ARAP1: variants seen among roughly 807,000 people sequenced by gnomAD.
ARAP1 encodes ArfGAP with RhoGAP domain, ankyrin repeat and PH domain 1.
A neutral mutation model predicts 172.2 loss-of-function variants in ARAP1; 76 were observed. The observed-to-expected ratio is 0.44, with a 90% CI of 0.37 to 0.53. The LOEUF (loss-of-function observed/expected upper bound fraction) is 0.53. Among genes scored for constraint, ARAP1 ranks in the 20% least tolerant of loss-of-function variants. The pLI is 0.00. For synonymous variants in ARAP1, 804 were observed against 803.3 expected, an observed-to-expected ratio of 1.00 and a Z score of -0.01; for missense variants, 1,686 against 1,977.5, an observed-to-expected ratio of 0.85 and a Z score of 2.80.
intron 1 of ARAP1, among the ~76,000 whole-genome samples, chr11:72,743,470 G>A (rs1199835511): frequency 2.0e-5 from 3 of 152,048 alleles, no homozygotes; most frequent in Non-Finnish European, 4.4e-5. Context: ...GCCAGGGGCA[G>A]GGTCTGCAGA....
chr11:72,709,045 C>CAA (rs34249967), intron 11 of ARAP1, among the ~76,000 whole-genome samples: 58 of 50,284 alleles, frequency 1.2e-3, no homozygotes, highest in African/African-American at 2.6e-3. Context: ...TCTCAAAAAG[C>CAA]AAAAAAAAAA....
At position 72,712,678 on chromosome 11, in the gene ARAP1, C is replaced by A. The variant is rs201051648; in HGVS notation, c.748-110G>T. On this transcript the variant is annotated intron_variant, in intron 5 of 34. Transcript: ENST00000393609. ...CACAGCCCCGACCCACACAGCCCAGCACTTTTAGTTCTGTTTCCTCACACT... is the reference window on the plus strand; with the variant it reads ...CACAGCCCCGACCCACACAGCCCAGAACTTTTAGTTCTGTTTCCTCACACT... 1,495 of 1,554,350 alleles carry A rather than the reference C, an allele frequency of 9.6e-4. 2 individuals carry two copies. The highest frequency in any genetic ancestry group is 1.2e-3 in the Non-Finnish European group (1,415 of 1,140,678).
chr11:72,720,821 G>A (rs1457667875), intron 3 of ARAP1, among the ~76,000 whole-genome samples: 1 of 152,050 alleles, frequency 6.6e-6, no homozygotes, highest in Admixed American at 6.5e-5. Flanking sequence ...TCCTCCTCCA[G>A]GAAGTCCATC....
At chr11:72,750,514 C>T (rs182295265) in intron 1 of ARAP1, among the ~76,000 whole-genome samples, 2 of 152,258 alleles carry the variant, frequency 1.3e-5, no homozygotes, top group East Asian at 3.9e-4. Flanking sequence ...AAACTGACCC[C>T]TTCCCCTGGG....
At chr11:72,687,774 C>T (rs1855752507) in intron 31 of ARAP1, 36 bp from the exon 32 acceptor site, 2 of 1,613,340 alleles carry the variant, frequency 1.2e-6, no homozygotes, top group Non-Finnish European at 1.7e-6. Context: ...GGGTGTTTGA[C>T]AGGCCATAGA....
At chr11:72,714,554 C>G (rs963307919) in intron 3 of ARAP1, among the ~76,000 whole-genome samples, 3 of 152,174 alleles carry the variant, frequency 2.0e-5, no homozygotes, top group Non-Finnish European at 4.4e-5. Context: ...AGGTGTTCAC[C>G]TATCCCCAGT....
chr11:72,693,484 C>G lies in ARAP1; in HGVS notation c.3809-14G>C. On this transcript the variant is annotated splice_polypyrimidine_tract_variant and intron_variant, in intron 28 of 34. Transcript: ENST00000393609. This position sits in a 1 kb window ranked among gnomAD's most constrained non-coding sequence, Gnocchi z 4.6. The stretch of plus-strand genomic sequence containing the variant: ...CGACACGGCTGGCTGGGGGGTGGGA[C>G]TGGAGTGGGCACAGGCTGCACCAAC... 1 of 1,610,224 alleles carries G rather than the reference C, an allele frequency of 6.2e-7. No homozygotes were observed. Among genetic ancestry groups the G allele is most frequent in the Non-Finnish European group, 8.5e-7 (1 of 1,177,618 alleles).
At chr11:72,722,159 G>C in intron 3 of ARAP1, 1 of 970,186 alleles carries the variant, frequency 1.0e-6, no homozygotes. Context: ...GACAGAGAGA[G>C]AGAGAGAGAG....
chr11:72,724,274 C>T (rs531318106), intron 3 of ARAP1, among the ~76,000 whole-genome samples: 2 of 152,238 alleles, frequency 1.3e-5, no homozygotes, highest in Admixed American at 6.5e-5. Flanking sequence ...CACATGCACA[C>T]GCATCCACCC....
rs774465123 is a variant in ARAP1, at chr11:72,702,994, C to T, written c.2078G>A (p.Gly693Glu). 39 of 1,573,936 alleles carry T rather than the reference C, an allele frequency of 2.5e-5. No homozygotes were observed. In the South Asian group the frequency reaches 4.6e-4, roughly 18 times the overall value. The change falls in exon 15 of 35, where the codon GGG becomes GAG. Residue 693 changes from glycine (G) to glutamate (E), a missense_variant. Coordinates refer to ENST00000393609, the MANE Select transcript of ARAP1 (RefSeq NM_001040118.3). ...GCGAGINCFS[G>E]DPEAPTPLAL... ...CAGGGGCGTGGGGGCCTCAGGGTCC[C>T]CCGAGAAGCAGTTGATCCCAGCCCC... is the stretch of plus-strand genomic sequence containing the variant.
rs1346334424 is a variant in ARAP1 at position 72,693,138 on chromosome 11, G to A, written c.3954+187C>T. On this transcript the variant is annotated intron_variant, in intron 29 of 34. Transcript: ENST00000393609. The surrounding 1 kb of genome is among the most constrained non-coding windows in gnomAD (Gnocchi z 4.6). ...TGCCAGGGCTTAGTGGGGCTACAGG[G>A]CACACTAGAGTGGCCGTCCAGGGCC... 4 of 885,900 alleles carry A rather than the reference G, an allele frequency of 4.5e-6. No homozygotes were observed. Among genetic ancestry groups the A allele is most frequent in the Non-Finnish European group, 6.7e-6 (4 of 595,500 alleles). 54.9% of individuals were successfully genotyped at this position (885,900 alleles called of 1,614,324 possible).
In ARAP1 at chr11:72,693,072, G is replaced by A; in HGVS notation, c.3954+253C>T. The A allele has an allele frequency of 1.5e-6, 1 of 649,986 alleles. No individual in the cohort carries two copies. Among genetic ancestry groups the A allele is most frequent in the Non-Finnish European group, 2.7e-6 (1 of 376,856 alleles). The allele number at this position is 649,986 out of a possible 1,614,324, so 40.3% of individuals were successfully genotyped here. A position where few individuals can be genotyped will look rare whatever the true frequency, so the allele number is the denominator to read the frequency against. On this transcript the variant is annotated intron_variant, in intron 29 of 34. Transcript: ENST00000393609. This position sits in a 1 kb window ranked among gnomAD's most constrained non-coding sequence, Gnocchi z 4.6. ...TGCAGTGATAAGGCACAGGCACAGT[G>A]AGACAGAGCATGGGCATGGAGTGGT...
chr11:72,745,182 C>CTTTTTTT (rs902550014), intron 1 of ARAP1, among the ~76,000 whole-genome samples: 14 of 88,306 alleles, frequency 1.6e-4, no homozygotes, highest in African/African-American at 5.9e-4. Context: ...AAGTTTCTTT[C>CTTTTTTT]TTTTTTTTTT....
chr11:72,732,848 T>A (rs967220713), intron 1 of ARAP1, among the ~76,000 whole-genome samples: 1 of 151,940 alleles, frequency 6.6e-6, no homozygotes, highest in Non-Finnish European at 1.5e-5. Context: ...CCAGGTGTGG[T>A]AGTGTGTGCC....
At chr11:72,685,747 G>A (rs1490064312) in intron 34 of ARAP1, 66 bp from the exon 35 acceptor site, 2 of 1,575,624 alleles carry the variant, frequency 1.3e-6, no homozygotes, top group Non-Finnish European at 1.7e-6. Context: ...CCCCGCTGAA[G>A]CTGCTGCAGC....
At chr11:72,691,502 T>A (rs774250217) in intron 30 of ARAP1, among the ~76,000 whole-genome samples, 1 of 152,034 alleles carries the variant, frequency 6.6e-6, no homozygotes, top group Non-Finnish European at 1.5e-5. Flanking sequence ...GAAGTGAGGA[T>A]GTGATCACAG....
Position 72,722,202 on chromosome 11 carries a change from TGTGA to T in ARAP1, c.509+4414_509+4417del, listed in dbSNP as rs1200278592. The T allele has an allele frequency of 5.1e-6, 5 of 985,488 alleles. No individual in the cohort carries two copies. In the African/African-American group the frequency reaches 7.0e-5, roughly 14 times the overall value. 61.0% of individuals were successfully genotyped at this position (985,488 alleles called of 1,614,324 possible). On this transcript the variant is annotated intron_variant, in intron 3 of 34. Coordinates refer to ENST00000393609, the MANE Select transcript of ARAP1 (RefSeq NM_001040118.3). Reference sequence around the variant, plus strand: ...CAGAGGGAGAGAGAGAGAGAGTGTGTGTGAGTGTGTGTGACTCTGTGTGTCTGTG... The same window carrying T: ...CAGAGGGAGAGAGAGAGAGAGTGTGTGTGTGTGTGACTCTGTGTGTCTGTG...
intron 19 of ARAP1, 48 bp from the exon 20 acceptor site, chr11:72,697,697 C>T (rs762422955): frequency 5.6e-6 from 9 of 1,609,316 alleles, no homozygotes; most frequent in Non-Finnish European, 7.6e-6. Flanking sequence ...CTCCTGATCC[C>T]CAACCTGCTC....
chr11:72,710,596 G>A lies in ARAP1; in HGVS notation c.1214-9C>T, dbSNP rs1207658776. ...CCACTCCTTCCGCTCCACTGCAGGA[G>A]AAGGGTAGAGGAGTAAGCCCAAGGT... On this transcript the variant is annotated splice_polypyrimidine_tract_variant and intron_variant, in intron 9 of 34. Coordinates refer to ENST00000393609, the MANE Select transcript of ARAP1 (RefSeq NM_001040118.3). The surrounding 1 kb of genome is among the most constrained non-coding windows in gnomAD (Gnocchi z 4.3). 6.2e-7 allele frequency: 1 copy of A among 1,600,910 alleles called. No individual in the cohort carries two copies. Among genetic ancestry groups the A allele is most frequent in the East Asian group, 2.2e-5 (1 of 44,782 alleles).
Sources: allele counts gnomAD v4.1 joint callset (sites outside exome capture counted in the v4.1 genomes callset), GRCh38; gene constraint gnomAD v4.1.1; non-coding constraint Gnocchi (gnomAD v3.1); transcripts MANE v1.5; gene names NCBI Gene and HGNC (gene_info 2026-07-23, HGNC 2026-07-21).